The following HABP4 variants were observed in gnomAD, a reference collection of about 807,000 sequenced individuals.
HABP4 encodes the protein hyaluronan binding protein 4, also known as intracellular hyaluronan-binding protein 4.
In HABP4, 32 loss-of-function variants were observed where a neutral mutation model predicts 44.1. The ratio of observed to expected loss-of-function variants is 0.73; its 90% confidence interval spans 0.55 to 0.97. HABP4 has a LOEUF of 0.97. Among genes scored for constraint, HABP4 ranks in the 50% least tolerant of loss-of-function variants. HABP4 has a pLI of 0.00. For synonymous variants in HABP4, 216 were observed against 218.0 expected, an observed-to-expected ratio of 0.99 and a Z score of 0.08; for missense variants, 503 against 561.9, an observed-to-expected ratio of 0.90 and a Z score of 1.06.
chr9:96,485,057 T>G (rs1008486137), intron 6 of HABP4, among the ~76,000 whole-genome samples: 15 of 148,192 alleles, frequency 1.0e-4, no homozygotes, highest in Non-Finnish European at 3.0e-5. Flanking sequence ...GTTGATGACT[T>G]TTTTTTTTTT....
At chr9:96,468,784 G>GT (rs1265313730) in intron 4 of HABP4, among the ~76,000 whole-genome samples, 2 of 152,208 alleles carry the variant, frequency 1.3e-5, no homozygotes, top group African/African-American at 4.8e-5. Flanking sequence ...TAAATTTTAT[G>GT]TATGTATACA....
In HABP4 at chr9:96,455,506, G is replaced by C. The variant is rs373989927; in HGVS notation, c.350-2873G>C. On this transcript the variant is annotated intron_variant, in intron 1 of 7. Transcript: ENST00000375249. ...TGGCCAGGCACAGTGACTCACACCT[G>C]TAATCCCACTACTTTGGGAGGCTGA... Among the ~76,000 whole-genome samples, 688 of 148,778 alleles carry C rather than the reference G, an allele frequency of 4.6e-3. 7 individuals are homozygous for C. The highest frequency in any genetic ancestry group is 0.017 in the African/African-American group (667 of 40,214).
intron 6 of HABP4, among the ~76,000 whole-genome samples, chr9:96,486,311 A>G (rs912314199): frequency 6.6e-5 from 10 of 152,230 alleles, no homozygotes; most frequent in Non-Finnish European, 1.0e-4. Context: ...TTTTGTAGAC[A>G]TAGGCGGCCG....
At chr9:96,450,119 G>A, upstream of HABP4, 1 of 666,712 alleles carries the variant, frequency 1.5e-6, no homozygotes, top group Non-Finnish European at 2.0e-6. This position sits in a 1 kb window ranked among gnomAD's most constrained non-coding sequence, Gnocchi z 4.8. Flanking sequence ...GCAGCGGGGC[G>A]GACGGCGGCG....
In HABP4 at chr9:96,465,772, A is replaced by G. The variant is rs1016792240; in HGVS notation, c.737A>G (p.Asp246Gly). ...GTTCGAACCTGGGGATCGGGTAAAG[A>G]TACCAGGTACGGTGTAAGTGTGTGC... is the stretch of plus-strand genomic sequence containing the variant. ...CGVRTWGSGK[D>G]TSDVEPTAPM... is the part of the protein sequence containing the mutation. The change falls in exon 4 of 8, where the codon GAT becomes GGT. Residue 246 changes from aspartate (D) to glycine (G), a missense_variant. Asp to Gly is a moderately conservative substitution (Grantham distance 94). Around this residue, in one of 3 missense-constraint regions of HABP4, gnomAD observed 131 missense variants for 189.8 expected, o/e 0.69. Coordinates refer to ENST00000375249, the MANE Select transcript of HABP4 (RefSeq NM_014282.4). 2 of 1,552,296 alleles carry G rather than the reference A, an allele frequency of 1.3e-6. No homozygotes were observed. Among genetic ancestry groups the G allele is most frequent in the Admixed American group, 1.7e-5 (1 of 59,976 alleles).
Position 96,450,248 on chromosome 9 carries a change from T to C in HABP4, c.-32T>C, listed in dbSNP as rs1454639016. 3 of 1,376,636 alleles carry C rather than the reference T, an allele frequency of 2.2e-6. No homozygotes were observed. Among genetic ancestry groups the C allele is most frequent in the Non-Finnish European group, 2.8e-6 (3 of 1,053,994 alleles). The allele number at this position is 1,376,636 out of a possible 1,614,324, so 85.3% of individuals were successfully genotyped here. A position where few individuals can be genotyped will look rare whatever the true frequency, so the allele number is the denominator to read the frequency against. On this transcript the variant is annotated 5_prime_UTR_variant, in exon 1 of 8. Transcript: ENST00000375249. This position sits in a 1 kb window ranked among gnomAD's most constrained non-coding sequence, Gnocchi z 4.8. The stretch of plus-strand genomic sequence containing the variant: ...TTCGCTGAGACGCGCTCGCGTGGGC[T>C]GCCCTCCCGGGCCCGCAGTGGTCGC...
At chr9:96,452,965 G>A (rs1832312880) in intron 1 of HABP4, among the ~76,000 whole-genome samples, 1 of 126,920 alleles carries the variant, frequency 7.9e-6, no homozygotes, top group South Asian at 2.5e-4. Context: ...TTTTGAGACA[G>A]GCTGGAGTGC....
rs1483344124 is a variant in HABP4, at chr9:96,456,781, ATATATATATAT to A, written c.350-1597_350-1587del. 3.0e-3 allele frequency among the ~76,000 whole-genome samples: 91 copies of A among 30,134 alleles called. 2 individuals carry two copies. The highest frequency in any genetic ancestry group is 9.1e-3 in the African/African-American group (63 of 6,952). 19.8% of individuals were successfully genotyped at this position (30,134 alleles called of 152,430 possible). ...TCTCAAAAAAAAAAAAAAAAAAAAA[ATATATATATAT>A]ATATATATATATATATATATATATA... On this transcript the variant is annotated intron_variant, in intron 1 of 7. Transcript: ENST00000375249.
chr9:96,463,157 G>A (rs545045482), intron 2 of HABP4, among the ~76,000 whole-genome samples: 1 of 152,222 alleles, frequency 6.6e-6, no homozygotes, highest in Admixed American at 6.5e-5. Context: ...TGTTGCCCAA[G>A]CTAGTCTCGA....
intron 4 of HABP4, among the ~76,000 whole-genome samples, chr9:96,467,426 A>G (rs1407200065): frequency 6.8e-6 from 1 of 147,924 alleles, no homozygotes; most frequent in African/African-American, 2.5e-5. Context: ...ATTTTGTTTT[A>G]TTTTACTTTG....
intron 5 of HABP4, among the ~76,000 whole-genome samples, chr9:96,475,387 C>G (rs142517667): frequency 1.5e-5 from 1 of 67,944 alleles, no homozygotes; most frequent in Admixed American, 1.2e-4. Context: ...ACAACAACAA[C>G]AACAAAAAAA....
chr9:96,468,533 A>T (rs2131135759), intron 4 of HABP4, among the ~76,000 whole-genome samples: 1 of 152,198 alleles, frequency 6.6e-6, no homozygotes, highest in Admixed American at 6.5e-5. Flanking sequence ...TGCTGGGATT[A>T]TAGACGTGAG....
At chr9:96,485,288 T>G (rs920800816) in intron 6 of HABP4, among the ~76,000 whole-genome samples, 3 of 152,180 alleles carry the variant, frequency 2.0e-5, no homozygotes, top group African/African-American at 7.2e-5. Flanking sequence ...CGACCTCAGG[T>G]GATCCACCAG....
chr9:96,472,160 A>G (rs1162016372), intron 5 of HABP4, among the ~76,000 whole-genome samples: 1 of 152,114 alleles, frequency 6.6e-6, no homozygotes, highest in Non-Finnish European at 1.5e-5. Flanking sequence ...CTTGCTAGCA[A>G]AACCCCTCCT....
At chr9:96,454,251 A>C (rs1832334649) in intron 1 of HABP4, among the ~76,000 whole-genome samples, 1 of 152,192 alleles carries the variant, frequency 6.6e-6, no homozygotes, top group African/African-American at 2.4e-5. Flanking sequence ...TATGGGTTGG[A>C]AATAGGAAAT....
chr9:96,476,616 C>G (rs1173132077), intron 5 of HABP4, among the ~76,000 whole-genome samples: 4 of 152,192 alleles, frequency 2.6e-5, no homozygotes, highest in South Asian at 4.1e-4. Context: ...TAGAAATATA[C>G]TTGCATGAGT....
At chr9:96,489,740 G>GT (rs749931052) in intron 7 of HABP4, among the ~76,000 whole-genome samples, 1 of 152,218 alleles carries the variant, frequency 6.6e-6, no homozygotes, top group Admixed American at 6.5e-5. Context: ...AGAACCCCCA[G>GT]TAAGAGCTTG....
chr9:96,481,194 C>T (rs7022837), intron 5 of HABP4, among the ~76,000 whole-genome samples: 61 of 152,246 alleles, frequency 4.0e-4, no homozygotes, highest in African/African-American at 1.4e-3. Context: ...AAGCAATTCT[C>T]CTGCTTCAGC....
chr9:96,466,234 G>A (rs534397813), intron 4 of HABP4, among the ~76,000 whole-genome samples: 3 of 152,146 alleles, frequency 2.0e-5, no homozygotes, highest in Non-Finnish European at 4.4e-5. Flanking sequence ...GCAGAGCATG[G>A]TGGCAGGCAC....
Sources: gnomAD v4.1 joint callset for allele counts (sites outside exome capture counted in the v4.1 genomes callset) on GRCh38, gnomAD v4.1.1 for gene constraint, gnomAD v4.1.1 regional missense constraint, Gnocchi (gnomAD v3.1) non-coding constraint, MANE v1.5 for transcripts, NCBI Gene and HGNC (gene_info 2026-07-23, HGNC 2026-07-21) for gene names.